HHLA2: variants seen among roughly 807,000 people sequenced by gnomAD.
HHLA2 encodes the protein HHLA2 member of B7 family.
In HHLA2, 48 loss-of-function variants were observed where a neutral mutation model predicts 45.9. That is an observed-to-expected ratio of 1.05 (90% CI 0.83 to 1.33). HHLA2 has a LOEUF of 1.33. HHLA2 is among the 40% of genes most tolerant of loss of function. HHLA2 has a pLI of 0.00. For missense variants in HHLA2, 462 were observed against 494.3 expected (o/e 0.93, Z 0.62); for synonymous variants, 161 against 173.9 (o/e 0.93, Z 0.59).
intron 8 of HHLA2, among the ~76,000 whole-genome samples, chr3:108,374,463 G>T (rs2082237137): frequency 6.7e-6 from 1 of 149,278 alleles, no homozygotes; most frequent in Non-Finnish European, 1.5e-5. Context: ...GGCAACAAAA[G>T]ACAAAATTGA....
intron 1 of HHLA2, among the ~76,000 whole-genome samples, chr3:108,300,682 C>T (rs555447501): frequency 6.6e-6 from 1 of 152,172 alleles, no homozygotes; most frequent in African/African-American, 2.4e-5. Flanking sequence ...CCACAGGAGG[C>T]AAAGCAGAGA....
intron 1 of HHLA2, among the ~76,000 whole-genome samples, chr3:108,304,212 A>G (rs2080892503): frequency 6.6e-6 from 1 of 152,186 alleles, no homozygotes; most frequent in South Asian, 2.1e-4. Context: ...AAGAAAGAAG[A>G]AAGATTTCTC....
chr3:108,377,236 A>C (rs2082290415), intron 10 of HHLA2, 22 bp from the exon 10 acceptor site: 1 of 1,455,882 alleles, frequency 6.9e-7, no homozygotes, highest in Non-Finnish European at 9.6e-7. Flanking sequence ...AGACATTTAG[A>C]GTCTATTTTT....
intron 2 of HHLA2, among the ~76,000 whole-genome samples, chr3:108,316,882 A>C (rs1305032055): frequency 1.3e-5 from 2 of 152,202 alleles, no homozygotes; most frequent in Non-Finnish European, 2.9e-5. Flanking sequence ...AGCTGTGAAC[A>C]TTGGTCCACT....
At chr3:108,334,351 A>G (rs1052798226) in intron 3 of HHLA2, among the ~76,000 whole-genome samples, 1 of 152,224 alleles carries the variant, frequency 6.6e-6, no homozygotes, top group East Asian at 1.9e-4. Flanking sequence ...AAGTGTCATC[A>G]GTGCTGTATC....
At chr3:108,324,646 G>C (rs1386454079) in intron 2 of HHLA2, among the ~76,000 whole-genome samples, 1 of 152,150 alleles carries the variant, frequency 6.6e-6, no homozygotes, top group Non-Finnish European at 1.5e-5. Context: ...CTTTTCTTTA[G>C]TGTTATACCT....
intron 6 of HHLA2, 23 bp downstream of exon 5, chr3:108,355,404 T>G: frequency 1.2e-6 from 2 of 1,604,326 alleles, no homozygotes; most frequent in East Asian, 2.2e-5. Flanking sequence ...GGACTTTCTG[T>G]GTACACGTGC....
rs562783022 is a variant in HHLA2, at chr3:108,307,870, A to G, written c.-191-2785A>G. On this transcript the variant is annotated intron_variant, in intron 1 of 10. Coordinates refer to ENST00000619531, the Ensembl canonical transcript of HHLA2. ...AATTAGGTCTTTTTTTTTATTTTCA[A>G]TTTTAATTTTTGTGGGTACATAACA... Among the ~76,000 whole-genome samples the G allele has an allele frequency of 6.6e-5, 10 of 152,038 alleles. No homozygotes were observed. In the South Asian group the frequency reaches 1.9e-3, roughly 28 times the overall value.
At chr3:108,350,636 A>G (rs772386777) in intron 3 of HHLA2, among the ~76,000 whole-genome samples, 5 of 152,146 alleles carry the variant, frequency 3.3e-5, no homozygotes, top group Non-Finnish European at 7.4e-5. Context: ...TATAGAATAT[A>G]TTCTTGTAAT....
intron 3 of HHLA2, among the ~76,000 whole-genome samples, chr3:108,339,099 G>A (rs565624420): frequency 1.3e-5 from 2 of 152,276 alleles, no homozygotes; most frequent in Admixed American, 6.5e-5. Flanking sequence ...GCAGACAAAT[G>A]ATTTTGGAGT....
chr3:108,308,435 T>G (rs1240891016), intron 1 of HHLA2, among the ~76,000 whole-genome samples: 1 of 152,242 alleles, frequency 6.6e-6, no homozygotes, highest in African/African-American at 2.4e-5. Context: ...TTACGTTGCT[T>G]CCAAATCTTA....
rs370380138 is a variant in HHLA2 at position 108,342,485 on chromosome 3, G to A, written c.-26-9303G>A. Among the ~76,000 whole-genome samples the A allele has an allele frequency of 6.6e-5, 10 of 151,940 alleles. No individual in the cohort carries two copies. The South Asian group carries it at 1.3e-3, about 19-fold the overall frequency. ...TCGCCATGTTGACCAGGCTGGCCTC[G>A]AACTCCTGACCTCAGATGATCCACC... On this transcript the variant is annotated intron_variant, in intron 3 of 10. Transcript: ENST00000619531.
intron 7 of HHLA2, among the ~76,000 whole-genome samples, chr3:108,360,913 T>C (rs563469183): frequency 1.1e-4 from 16 of 152,212 alleles, no homozygotes; most frequent in Non-Finnish European, 2.1e-4. Flanking sequence ...AGTATGTTCA[T>C]AGAAAATTAC....
chr3:108,328,603 T>A (rs1349696828), intron 3 of HHLA2, among the ~76,000 whole-genome samples: 1 of 152,162 alleles, frequency 6.6e-6, no homozygotes, highest in African/African-American at 2.4e-5. Context: ...TAAGAGATGA[T>A]GCTGTTGAGG....
At chr3:108,304,640 T>C (rs913734957) in intron 1 of HHLA2, among the ~76,000 whole-genome samples, 1 of 152,194 alleles carries the variant, frequency 6.6e-6, no homozygotes, top group East Asian at 1.9e-4. Context: ...ACTACAAATA[T>C]ATTAGAAAGG....
At chr3:108,297,966 C>T (rs1181369387) in intron 1 of HHLA2, among the ~76,000 whole-genome samples, 1 of 152,168 alleles carries the variant, frequency 6.6e-6, no homozygotes, top group East Asian at 1.9e-4. Flanking sequence ...AGAGACTTGC[C>T]TAGGAGTGGA....
intron 6 of HHLA2, 84 bp downstream of exon 5, chr3:108,355,465 A>G (rs940546562): frequency 2.1e-6 from 3 of 1,460,052 alleles, no homozygotes; most frequent in South Asian, 2.7e-5. Context: ...AAAGAAAGGA[A>G]GATGAAAGAA....
intron 1 of HHLA2, among the ~76,000 whole-genome samples, chr3:108,306,277 C>T (rs919169827): frequency 2.6e-5 from 4 of 152,190 alleles, no homozygotes; most frequent in African/African-American, 9.7e-5. Flanking sequence ...TTAGTGTCTG[C>T]TTCTTGTAGA....
chr3:108,368,196 C>T (rs2082098893), intron 8 of HHLA2, among the ~76,000 whole-genome samples: 1 of 152,000 alleles, frequency 6.6e-6, no homozygotes, highest in Admixed American at 6.6e-5. Flanking sequence ...CTTACAAGAG[C>T]TCCTGAAGGA....
Sources: gnomAD v4.1 joint callset for allele counts (sites outside exome capture counted in the v4.1 genomes callset) on GRCh38, gnomAD v4.1.1 for gene constraint, MANE v1.5 for transcripts, NCBI Gene and HGNC (gene_info 2026-07-23, HGNC 2026-07-21) for gene names.